Variants in FSTL5 observed in about 807,000 individuals in gnomAD.
FSTL5 encodes follistatin-related protein 5.
Under a neutral mutation model 89.1 loss-of-function variants are expected in FSTL5, and 62 were observed. The observed-to-expected ratio is 0.70, with a 90% CI of 0.57 to 0.86. The LOEUF is 0.86. Among genes scored for constraint, FSTL5 ranks in the 40% least tolerant of loss-of-function variants. The pLI is 0.00. For missense variants in FSTL5, 1,057 were observed against 1,001.6 expected (o/e 1.06, Z -0.75); for synonymous variants, 383 against 346.2 (o/e 1.11, Z -1.18).
rs1278099520 is a variant in FSTL5, at chr4:161,617,946, T to A, written c.895-30371A>T. ...TCATTTTCACGATATTGATTCTTCC[T>A]ACCCATGAGCATGGAATGTTCTTCC... On this transcript the variant is annotated intron_variant, in intron 7 of 15. Coordinates refer to ENST00000306100, the MANE Select transcript of FSTL5 (RefSeq NM_020116.5). Among the ~76,000 whole-genome samples the A allele has an allele frequency of 2.6e-5, 4 of 152,344 alleles. 1 individual carries two copies. The highest frequency in any genetic ancestry group is 9.6e-5 in the African/African-American group (4 of 41,584).
At chr4:162,091,800 A>G (rs972738883) in intron 2 of FSTL5, among the ~76,000 whole-genome samples, 14 of 152,046 alleles carry the variant, frequency 9.2e-5, no homozygotes, top group African/African-American at 3.4e-4. Context: ...AATTATAATC[A>G]ACACAAAGTT....
intron 3 of FSTL5, among the ~76,000 whole-genome samples, chr4:161,920,874 C>T (rs892832959): frequency 2.6e-5 from 4 of 152,098 alleles, no homozygotes; most frequent in African/African-American, 9.7e-5. Flanking sequence ...TACTTGAGCT[C>T]TCTTCTCCCT....
chr4:161,525,498 G>A lies in FSTL5; in HGVS notation c.1312+12668C>T, dbSNP rs932020032. On this transcript the variant is annotated intron_variant, in intron 10 of 15. Transcript: ENST00000306100. The stretch of plus-strand genomic sequence containing the variant: ...TAGCTTCACACACATTTGAATTACA[G>A]CAGTCAAATTATAGCCATTTCAAAG... Among the ~76,000 whole-genome samples the A allele has an allele frequency of 3.9e-5, 6 of 152,082 alleles. No individual in the cohort carries two copies. The South Asian group carries it at 1.2e-3, about 32-fold the overall frequency.
rs1731586232 is a variant in FSTL5, at chr4:161,852,533, C to A, written c.409+67871G>T. ...TGGTGGGAGTGCAAATTAGTTCAACCATTGTGGAAGACAGTGTGGTGATTC... is the reference window on the plus strand; with the variant it reads ...TGGTGGGAGTGCAAATTAGTTCAACAATTGTGGAAGACAGTGTGGTGATTC... On this transcript the variant is annotated intron_variant, in intron 4 of 15. Coordinates refer to ENST00000306100, the MANE Select transcript of FSTL5 (RefSeq NM_020116.5). Among the ~76,000 whole-genome samples, 4 of 152,158 alleles carry A rather than the reference C, an allele frequency of 2.6e-5. No homozygotes were observed. The South Asian group carries it at 8.3e-4, about 32-fold the overall frequency.
intron 4 of FSTL5, among the ~76,000 whole-genome samples, chr4:161,837,051 C>T (rs958506050): frequency 6.6e-6 from 1 of 152,010 alleles, no homozygotes; most frequent in Non-Finnish European, 1.5e-5. Flanking sequence ...AAACTCAGAA[C>T]AGGTTTTTAA....
intron 10 of FSTL5, among the ~76,000 whole-genome samples, chr4:161,535,898 A>C (rs575215842): frequency 3.3e-5 from 5 of 152,228 alleles, no homozygotes; most frequent in African/African-American, 1.2e-4. Context: ...ATGGAATACT[A>C]CTCAGCCATA....
At chr4:161,550,756 C>T (rs1208321141) in intron 8 of FSTL5, among the ~76,000 whole-genome samples, 1 of 151,830 alleles carries the variant, frequency 6.6e-6, no homozygotes, top group African/African-American at 2.4e-5. Context: ...ACCACAGTCC[C>T]CAGAGTGTGA....
At chr4:161,573,733 C>CAAAAAAAAAAAAAAAAAAAAAAAAAAAA in intron 8 of FSTL5, among the ~76,000 whole-genome samples, 1 of 50,624 alleles carries the variant, frequency 2.0e-5, no homozygotes, top group Non-Finnish European at 3.4e-5. Context: ...AACTCCAGCT[C>CAAAAAAAAAAAAAAAAAAAAAAAAAAAA]AAAAAAAAAA....
At chr4:161,910,428 A>G (rs1733658114) in intron 4 of FSTL5, among the ~76,000 whole-genome samples, 2 of 152,160 alleles carry the variant, frequency 1.3e-5, no homozygotes, top group Non-Finnish European at 2.9e-5. Flanking sequence ...CCAACTGCAC[A>G]AATGACACTT....
chr4:161,883,526 T>G (rs1010266394), intron 4 of FSTL5, among the ~76,000 whole-genome samples: 1 of 152,188 alleles, frequency 6.6e-6, no homozygotes, highest in African/African-American at 2.4e-5. Context: ...TTGATACGTA[T>G]TCCAATAAGT....
rs71598725 is a variant in FSTL5, at chr4:161,641,504, G to GTTTTTTTTTTT, written c.894+14823_894+14824insAAAAAAAAAAA. ...CCAAATTAGAGGGTTTTTTTGTTTT[G>GTTTTTTTTTTT]TTTTGTTTTTTTTTTTGAGACTCTG... On this transcript the variant is annotated intron_variant, in intron 7 of 15. Coordinates refer to ENST00000306100, the MANE Select transcript of FSTL5 (RefSeq NM_020116.5). 1.5e-5 allele frequency among the ~76,000 whole-genome samples: 2 copies of GTTTTTTTTTTT among 132,336 alleles called. 1 individual carries two copies. The highest frequency in any genetic ancestry group is 3.3e-5 in the Non-Finnish European group (2 of 60,950). 86.8% of individuals were successfully genotyped at this position (132,336 alleles called of 152,430 possible). A position where few individuals can be genotyped will look rare whatever the true frequency, so the allele number is the denominator to read the frequency against.
At chr4:162,020,898 A>G (rs1737059185) in intron 3 of FSTL5, among the ~76,000 whole-genome samples, 2 of 152,172 alleles carry the variant, frequency 1.3e-5, no homozygotes, top group South Asian at 4.1e-4. Flanking sequence ...ATTATTAGTC[A>G]CTTCATGAAA....
chr4:161,857,280 C>G (rs1308625466), intron 4 of FSTL5, among the ~76,000 whole-genome samples: 1 of 152,042 alleles, frequency 6.6e-6, no homozygotes, highest in African/African-American at 2.4e-5. Flanking sequence ...AAGGTGTTGA[C>G]TAATGTATCT....
intron 13 of FSTL5, among the ~76,000 whole-genome samples, chr4:161,467,513 A>G (rs147880212): frequency 6.6e-6 from 1 of 152,274 alleles, no homozygotes; most frequent in Admixed American, 6.5e-5. Flanking sequence ...AGGATGATCA[A>G]TTTATAAAAC....
intron 15 of FSTL5, among the ~76,000 whole-genome samples, chr4:161,404,329 GA>G: frequency 6.6e-6 from 1 of 152,230 alleles, no homozygotes; most frequent in Middle Eastern, 3.4e-3. Context: ...GGATTATTTC[GA>G]AAAATGAAAG....
intron 10 of FSTL5, among the ~76,000 whole-genome samples, chr4:161,531,023 T>C (rs777348202): frequency 3.9e-5 from 6 of 152,162 alleles, no homozygotes; most frequent in Admixed American, 1.3e-4. Flanking sequence ...CACAATCCCC[T>C]ATGGTCCAGT....
chr4:161,822,691 A>G (rs558096389), intron 4 of FSTL5, among the ~76,000 whole-genome samples: 2 of 152,306 alleles, frequency 1.3e-5, no homozygotes, highest in South Asian at 4.1e-4. Context: ...TGTCACCCAC[A>G]GTATGGTGAG....
intron 6 of FSTL5, among the ~76,000 whole-genome samples, chr4:161,709,629 C>T (rs960291289): frequency 6.6e-6 from 1 of 151,926 alleles, no homozygotes; most frequent in African/African-American, 2.4e-5. Context: ...AGTGACACAT[C>T]TCTACAAAAA....
intron 15 of FSTL5, among the ~76,000 whole-genome samples, chr4:161,396,822 T>A (rs529725834): frequency 6.6e-6 from 1 of 151,314 alleles, no homozygotes; most frequent in Admixed American, 6.6e-5. Flanking sequence ...AACATGAGAG[T>A]TGTTGACTAC....
Sources: allele counts gnomAD v4.1 joint callset (sites outside exome capture counted in the v4.1 genomes callset), GRCh38; gene constraint gnomAD v4.1.1; transcripts MANE v1.5; gene names NCBI Gene and HGNC (gene_info 2026-07-23, HGNC 2026-07-21).